The following SEC16A variants were observed in gnomAD, a reference collection of about 807,000 sequenced individuals.
The protein encoded by SEC16A is SEC16 homolog A, endoplasmic reticulum export factor.
SEC16A carries 110 observed loss-of-function variants against 221.9 expected under a neutral mutation model. The ratio of observed to expected loss-of-function variants is 0.50; its 90% CI spans 0.42 to 0.58. The LOEUF is 0.58. Ranked by LOEUF, SEC16A falls within the 20% of genes least tolerant of loss-of-function variation. SEC16A has a pLI of 0.00. For missense variants in SEC16A, 3,165 were observed against 3,097.8 expected, an observed-to-expected ratio of 1.02 and a Z score of -0.52; for synonymous variants, 1,393 against 1,257.7, an observed-to-expected ratio of 1.11 and a Z score of -2.28.
Position 136,446,855 on chromosome 9 carries a change from CT to C in SEC16A, c.6791del (p.Lys2264ArgfsTer3). The part of the protein sequence containing the change: ...LANPEPAPEP[K>X]VLSSAASLPG... The stretch of plus-strand genomic sequence containing the variant: ...CCCCTTTCCCACCGTACCCGCTCAC[CT>C]TGGGCTCTGGGGCAGGCTCTGGATT... On this transcript the variant is annotated frameshift_variant and splice_region_variant, in exon 28 of 32. Transcript: ENST00000684901. LOFTEE classifies it high-confidence loss of function. The C allele has an allele frequency of 6.2e-7, 1 of 1,603,110 alleles. No homozygotes were observed. Among genetic ancestry groups the C allele is most frequent in the Non-Finnish European group, 8.5e-7 (1 of 1,176,082 alleles).
chr9:136,455,554 G>C, intron 20 of SEC16A, 47 bp downstream of exon 20: 1 of 1,494,624 alleles, frequency 6.7e-7, no homozygotes, highest in Non-Finnish European at 8.9e-7. Context: ...TCAGCCCACA[G>C]GAAGCAGGGG....
chr9:136,441,750 C>T lies in SEC16A; in HGVS notation c.*5G>A. On this transcript the variant is annotated 3_prime_UTR_variant, in exon 32 of 32. Transcript: ENST00000684901. Reference sequence around the variant, plus strand: ...CTCCAAGTGCAAGTTCACAGCAGGGCAAGCCTAGTTCAGCACCAGGTGCTT... The same window carrying T: ...CTCCAAGTGCAAGTTCACAGCAGGGTAAGCCTAGTTCAGCACCAGGTGCTT... 6.2e-7 allele frequency: 1 copy of T among 1,613,200 alleles called. No individual in the cohort carries two copies. The highest frequency in any genetic ancestry group is 8.5e-7 in the Non-Finnish European group (1 of 1,179,676).
chr9:136,464,380 C>CA (rs1173779521), intron 9 of SEC16A, 40 bp downstream of exon 9: 1 of 1,562,628 alleles, frequency 6.4e-7, no homozygotes, highest in South Asian at 1.1e-5. Context: ...TTCCCCAGGG[C>CA]AGCAGAGCAG....
At chr9:136,468,623 T>G (rs144804988) in intron 4 of SEC16A, 111 bp from the exon 5 acceptor site, 27 of 656,006 alleles carry the variant, frequency 4.1e-5, no homozygotes, top group Non-Finnish European at 6.9e-5. Flanking sequence ...AGCACTTTGG[T>G]TGTACAAAAA....
In SEC16A at chr9:136,476,589, G is replaced by A. The variant is rs190728828; in HGVS notation, c.1027C>T (p.Pro343Ser). 1,108 of 1,604,274 alleles carry A rather than the reference G, an allele frequency of 6.9e-4. 27 individuals carry two copies. In the East Asian group the frequency reaches 0.024, roughly 35 times the overall value. The change falls in exon 3 of 32, where the codon CCA becomes TCA. Residue 343 changes from proline (P) to serine (S), a missense_variant. Physicochemically the swap from Pro to Ser is moderately conservative, Grantham distance 74. Around this residue, in one of 3 missense-constraint regions of SEC16A, gnomAD observed 2,030 missense variants for 1,923.1 expected, o/e 1.06. Coordinates refer to ENST00000684901, the MANE Select transcript of SEC16A (RefSeq NM_014866.2). ...LVNPLARGDS[P>S]ENRTHHPLGA... ...AGTGGGTGGTGCGTACGGTTTTCTG[G>A]GCTATCTCCCCGGGCGAGGGGGTTC...
intron 5 of SEC16A, among the ~76,000 whole-genome samples, chr9:136,467,734 T>C (rs1840335815): frequency 2.0e-5 from 3 of 152,220 alleles, no homozygotes; most frequent in Admixed American, 2.0e-4. Context: ...TTTCTAAAGA[T>C]GTCTTTTCTT....
At chr9:136,469,241 T>C (rs1468312193) in intron 4 of SEC16A, among the ~76,000 whole-genome samples, 1 of 152,070 alleles carries the variant, frequency 6.6e-6, no homozygotes, top group Non-Finnish European at 1.5e-5. Flanking sequence ...CCGTGCAGGG[T>C]ACCCCCGTCA....
chr9:136,456,233 A>G, intron 18 of SEC16A, 67 bp from the exon 19 acceptor site: 1 of 1,115,318 alleles, frequency 9.0e-7, no homozygotes, highest in Non-Finnish European at 1.4e-6. Context: ...CGTCTTCAAA[A>G]TGCCGGGCAA....
chr9:136,451,088 G>A (rs1477476342), intron 23 of SEC16A, among the ~76,000 whole-genome samples, 168 bp downstream of exon 23: 1 of 152,164 alleles, frequency 6.6e-6, no homozygotes. Flanking sequence ...TTATCTGAAG[G>A]CACAAATACA....
rs1319948603 is a variant in SEC16A, at chr9:136,464,518, C to T, written c.4348G>A (p.Val1450Ile). The T allele has an allele frequency of 8.7e-6, 14 of 1,606,950 alleles. No individual in the cohort carries two copies. The highest frequency in any genetic ancestry group is 1.7e-4 in the Middle Eastern group (1 of 6,044). Reference protein sequence around the residue: ...TSPEKFSVPHVCARFGPGGQL... With the variant: ...TSPEKFSVPHICARFGPGGQL... ...CCGCCAGGGCCAAACCTGGCACAGA[C>T]ATGAGGCACTGAAAATTTTTCAGGA... is the stretch of plus-strand genomic sequence containing the variant. Residue 1450 changes from valine to isoleucine, a missense_variant, in exon 9 of 32, where the codon GTC becomes ATC. Val to Ile is a conservative substitution (Grantham distance 29). Transcript: ENST00000684901.
chr9:136,473,470 G>A (rs767646818), intron 3 of SEC16A, among the ~76,000 whole-genome samples: 5 of 152,244 alleles, frequency 3.3e-5, no homozygotes, highest in African/African-American at 4.8e-5. Context: ...AGGCACAGAA[G>A]AATCTTCTGC....
intron 12 of SEC16A, among the ~76,000 whole-genome samples, chr9:136,462,469 A>G (rs998953623): frequency 4.6e-5 from 7 of 152,110 alleles, no homozygotes; most frequent in Middle Eastern, 3.2e-3. Context: ...CTTTCCATGC[A>G]CTGCGCCTCT....
At position 136,466,701 on chromosome 9, in the gene SEC16A, A is replaced by C. The variant is rs1840209642; in HGVS notation, c.3930-239T>G. Among the ~76,000 whole-genome samples, 1 of 152,204 alleles carries C rather than the reference A, an allele frequency of 6.6e-6. No homozygotes were observed. The highest frequency in any genetic ancestry group is 2.1e-4 in the South Asian group (1 of 4,834). Reference sequence around the variant, plus strand: ...CCGGTAAGAAGGGACGATGAGAAAGAGTGAGCCCAATCTCCCAGGTGCTCC... The same window carrying C: ...CCGGTAAGAAGGGACGATGAGAAAGCGTGAGCCCAATCTCCCAGGTGCTCC... On this transcript the variant is annotated intron_variant, in intron 6 of 31. Coordinates refer to ENST00000684901, the MANE Select transcript of SEC16A (RefSeq NM_014866.2). The surrounding 1 kb of genome is among the most constrained non-coding windows in gnomAD (Gnocchi z 5.5).
In SEC16A at chr9:136,475,246, G is replaced by A. The variant is rs1347612667; in HGVS notation, c.2370C>T (p.Asn790=). 2 of 1,613,472 alleles carry A rather than the reference G, an allele frequency of 1.2e-6. No homozygotes were observed. The highest frequency in any genetic ancestry group is 1.7e-6 in the Non-Finnish European group (2 of 1,179,888). Residue 790 remains asparagine (N), a synonymous_variant, in exon 3 of 32, where the codon AAC becomes AAT. Coordinates refer to ENST00000684901, the MANE Select transcript of SEC16A (RefSeq NM_014866.2). This position sits in a 1 kb window ranked among gnomAD's most constrained non-coding sequence, Gnocchi z 5.0. ...CTCCCATTTTGGGAGGATTCTCAAG[G>A]TTCTCAGAAGCACCAATGCCACCTC... is the stretch of plus-strand genomic sequence containing the variant. ...QSRGGIGASE[N]LENPPKMGEE...
intron 19 of SEC16A, 128 bp downstream of exon 19, chr9:136,455,925 A>G: frequency 8.5e-7 from 1 of 1,182,860 alleles, no homozygotes; most frequent in Non-Finnish European, 1.2e-6. Context: ...CTGGGGAATT[A>G]GGGAATTCTC....
intron 2 of SEC16A, among the ~76,000 whole-genome samples, chr9:136,477,990 C>T (rs1276214417): frequency 1.3e-5 from 2 of 152,134 alleles, no homozygotes; most frequent in Non-Finnish European, 2.9e-5. Flanking sequence ...CAGACCCGCG[C>T]CACAACAACA....
At chr9:136,455,006 G>A (rs959702417) in intron 20 of SEC16A, among the ~76,000 whole-genome samples, 8 of 152,208 alleles carry the variant, frequency 5.3e-5, no homozygotes, top group Non-Finnish European at 8.8e-5. Context: ...TGTGGCCACC[G>A]TGAGGACCCT....
At chr9:136,482,124 T>G (rs1219699361) in intron 1 of SEC16A, among the ~76,000 whole-genome samples, 1 of 152,172 alleles carries the variant, frequency 6.6e-6, no homozygotes, top group East Asian at 1.9e-4. Flanking sequence ...TTGCCTCTTG[T>G]CTACAAGATA....
upstream of SEC16A, chr9:136,484,472 A>G (rs1327549868): frequency 1.6e-6 from 2 of 1,212,398 alleles, no homozygotes; most frequent in Non-Finnish European, 2.1e-6. Flanking sequence ...TCACCTGCAC[A>G]CCTGCCTGGC....
Sources: allele counts gnomAD v4.1 joint callset (sites outside exome capture counted in the v4.1 genomes callset), GRCh38; gene constraint gnomAD v4.1.1; regional missense constraint gnomAD v4.1.1; non-coding constraint Gnocchi (gnomAD v3.1); transcripts MANE v1.5; gene names NCBI Gene and HGNC (gene_info 2026-07-23, HGNC 2026-07-21).